Variants in SPART observed in about 807,000 individuals in gnomAD.
SPART encodes spartin.
In SPART, 35 loss-of-function variants were observed where a neutral mutation model predicts 58.7. The ratio of observed to expected loss-of-function variants is 0.60; its 90% CI spans 0.46 to 0.79. The LOEUF is 0.79. Among genes scored for constraint, SPART ranks in the 30% least tolerant of loss-of-function variants. The probability of loss-of-function intolerance (pLI) is 0.00; values close to 1 mark genes in which losing one functional copy is unlikely to be tolerated. For missense variants in SPART, 730 were observed against 786.1 expected (o/e 0.93, Z 0.85); for synonymous variants, 284 against 280.7 (o/e 1.01, Z -0.12).
intron 8 of SPART, chr13:36,308,373 C>A (rs942603531): frequency 1.3e-5 from 2 of 152,234 alleles, no homozygotes; most frequent in African/African-American, 4.8e-5. Flanking sequence ...ACTGAATCAT[C>A]CTCATAGTTA....
At chr13:36,361,601 G>A (rs995807785) in intron 1 of SPART, among the ~76,000 whole-genome samples, 1 of 151,868 alleles carries the variant, frequency 6.6e-6, no homozygotes, top group African/African-American at 2.4e-5. Flanking sequence ...ACTGGGTTTC[G>A]CCATGTTAGC....
chr13:36,327,031 T>G (rs1883002148), intron 4 of SPART, among the ~76,000 whole-genome samples: 1 of 152,182 alleles, frequency 6.6e-6, no homozygotes, highest in Non-Finnish European at 1.5e-5. Flanking sequence ...GATATTAGTG[T>G]GCACATGGTA....
chr13:36,327,973 G>A lies in SPART; in HGVS notation c.1165-1275C>T, dbSNP rs139688517. Among the ~76,000 whole-genome samples the A allele has an allele frequency of 2.8e-3, 431 of 152,246 alleles. 3 individuals carry two copies. Among genetic ancestry groups the A allele is most frequent in the Non-Finnish European group, 3.9e-3 (262 of 68,000 alleles). On this transcript the variant is annotated intron_variant, in intron 4 of 8. Coordinates refer to ENST00000438666, the MANE Select transcript of SPART (RefSeq NM_015087.5). ...CGCACCACTGCACTCCAGCCTGGGC[G>A]ACAGAGTGAGACTCCATCTGCAGGG...
chr13:36,354,851 C>A lies in SPART; in HGVS notation c.-3+15238G>T, dbSNP rs570372648. Among the ~76,000 whole-genome samples, 4 of 152,258 alleles carry A rather than the reference C, an allele frequency of 2.6e-5. No individual in the cohort carries two copies. The South Asian group carries it at 8.3e-4, about 32-fold the overall frequency. Reference sequence around the variant, plus strand: ...AATTCTACTCTACGTGGATTTACTTCTTTAATCTTTTTTCACAAGAAAATA... The same window carrying A: ...AATTCTACTCTACGTGGATTTACTTATTTAATCTTTTTTCACAAGAAAATA... On this transcript the variant is annotated intron_variant, in intron 1 of 8. Coordinates refer to the SPART transcript ENST00000355182.
chr13:36,353,198 T>C (rs753612361), intron 1 of SPART, among the ~76,000 whole-genome samples: 17 of 152,218 alleles, frequency 1.1e-4, no homozygotes, highest in Non-Finnish European at 2.4e-4. Flanking sequence ...ACCATTCATC[T>C]TGTTTACATG....
upstream of SPART, among the ~76,000 whole-genome samples, chr13:36,347,814 T>C (rs753219467): frequency 6.6e-6 from 1 of 152,168 alleles, no homozygotes; most frequent in Non-Finnish European, 1.5e-5. Flanking sequence ...AAATAAAAGT[T>C]ATATAACTTT....
chr13:36,353,986 TTC>T (rs1885522556), intron 1 of SPART, among the ~76,000 whole-genome samples: 2 of 152,318 alleles, frequency 1.3e-5, no homozygotes, highest in South Asian at 4.1e-4. Context: ...AAAGGATGCT[TTC>T]TTTCTTTCTC....
intron 1 of SPART, among the ~76,000 whole-genome samples, chr13:36,344,900 AT>A (rs1884926322): frequency 6.6e-6 from 1 of 152,190 alleles, no homozygotes; most frequent in African/African-American, 2.4e-5. Context: ...CTAAATTCTA[AT>A]TTTTTAACGT....
At chr13:36,369,324 A>G (rs545170408) in intron 1 of SPART, among the ~76,000 whole-genome samples, 1 of 152,258 alleles carries the variant, frequency 6.6e-6, no homozygotes, top group East Asian at 1.9e-4. Flanking sequence ...TTAGTCTTAC[A>G]CTCTTCATAA....
At chr13:36,324,542 A>G (rs749818465) in intron 5 of SPART, among the ~76,000 whole-genome samples, 52 of 152,188 alleles carry the variant, frequency 3.4e-4, no homozygotes, top group Non-Finnish European at 5.6e-4. Context: ...AAAGAGATAT[A>G]AGCCACTCCT....
At chr13:36,327,047 T>C (rs1035851589) in intron 4 of SPART, among the ~76,000 whole-genome samples, 1 of 152,286 alleles carries the variant, frequency 6.6e-6, no homozygotes. Flanking sequence ...TGGTACTCAG[T>C]AAGATTAAAA....
rs1174302867 is a variant in SPART at position 36,302,674 on chromosome 13, G to A, written c.*1691C>T. The A allele has an allele frequency of 6.6e-6, 1 of 152,072 alleles. No homozygotes were observed. The highest frequency in any genetic ancestry group is 1.5e-5 in the Non-Finnish European group (1 of 67,998). The allele number at this position is 152,072 out of a possible 1,614,324, so 9.4% of individuals were successfully genotyped here. A position where few individuals can be genotyped will look rare whatever the true frequency, so the allele number is the denominator to read the frequency against. ...GGATACATGAGATATTTTGATACAG[G>A]TATGCGATTTATAATAATTACATCA... On this transcript the variant is annotated 3_prime_UTR_variant, in exon 9 of 9. Coordinates refer to ENST00000438666, the MANE Select transcript of SPART (RefSeq NM_015087.5).
intron 5 of SPART, among the ~76,000 whole-genome samples, chr13:36,322,009 G>A (rs1882458250): frequency 6.6e-6 from 1 of 151,972 alleles, no homozygotes; most frequent in African/African-American, 2.4e-5. Context: ...CTGCCCGCCA[G>A]AGAACAAACC....
chr13:36,311,742 C>G (rs1431576518), intron 8 of SPART, among the ~76,000 whole-genome samples: 1 of 152,136 alleles, frequency 6.6e-6, no homozygotes, highest in Non-Finnish European at 1.5e-5. Context: ...ATTATTTTAT[C>G]AGATACTTAA....
rs1341484 is a variant in SPART at position 36,346,010 on chromosome 13, A to G, written c.-3+215T>C. On this transcript the variant is annotated intron_variant, in intron 1 of 8. Coordinates refer to ENST00000438666, the MANE Select transcript of SPART (RefSeq NM_015087.5). ...TCCCTAAATACCACACTCCCGCGAGAGAAGGGACTGAGAACAACTTCTCAA... is the reference window on the plus strand; with the variant it reads ...TCCCTAAATACCACACTCCCGCGAGGGAAGGGACTGAGAACAACTTCTCAA... Among the ~76,000 whole-genome samples the G allele has an allele frequency of 1, 152,314 of 152,316 alleles. 76,156 individuals carry two copies. Among genetic ancestry groups the G allele is most frequent in the Non-Finnish European group, 1 (68,036 of 68,036 alleles).
At chr13:36,337,619 G>A (rs778643183) in intron 1 of SPART, among the ~76,000 whole-genome samples, 130 of 152,120 alleles carry the variant, frequency 8.5e-4, no homozygotes, top group Middle Eastern at 3.2e-3. Flanking sequence ...CCCCAGCCAC[G>A]CAGAACTGAG....
At chr13:36,332,132 T>A (rs75128835) in intron 2 of SPART, among the ~76,000 whole-genome samples, 3 of 152,130 alleles carry the variant, frequency 2.0e-5, no homozygotes, top group Admixed American at 1.3e-4. Context: ...AACTAAAAAG[T>A]GGAGCTTGGA....
At chr13:36,314,561 G>C (rs1245825284) in intron 5 of SPART, 140 bp from the exon 6 acceptor site, 18 of 874,006 alleles carry the variant, frequency 2.1e-5, no homozygotes, top group Non-Finnish European at 3.1e-5. Context: ...AAACTTTCAA[G>C]CTAACTTTAT....
chr13:36,304,786 T>C (rs920702834), intron 8 of SPART, among the ~76,000 whole-genome samples, 154 bp from the exon 9 acceptor site: 7 of 152,156 alleles, frequency 4.6e-5, no homozygotes, highest in African/African-American at 1.4e-4. Flanking sequence ...TAAAACACAG[T>C]AGAGAATGAA....
Sources: allele counts gnomAD v4.1 joint callset (sites outside exome capture counted in the v4.1 genomes callset), GRCh38; gene constraint gnomAD v4.1.1; transcripts MANE v1.5; gene names NCBI Gene and HGNC (gene_info 2026-07-23, HGNC 2026-07-21).